The following LHX3 variants were observed in gnomAD, a reference collection of about 807,000 sequenced individuals.
The protein encoded by LHX3 is LIM/homeobox protein Lhx3.
A neutral mutation model predicts 32.4 loss-of-function variants in LHX3; 21 were observed. The observed-to-expected ratio is 0.65, with a 90% confidence interval of 0.46 to 0.93. The LOEUF (loss-of-function observed/expected upper bound fraction) is 0.93, where lower values mean the gene tolerates loss of function less well. Among genes scored for constraint, LHX3 ranks in the 40% least tolerant of loss-of-function variants. The pLI is 0.00. For missense variants in LHX3, 626 were observed against 560.0 expected (o/e 1.12, Z -1.19); for synonymous variants, 258 against 246.8 (o/e 1.05, Z -0.43).
At chr9:136,202,918 G>C (rs748784434) in intron 1 of LHX3, 1 of 1,531,154 alleles carries the variant, frequency 6.5e-7, no homozygotes, top group East Asian at 2.5e-5. Flanking sequence ...TGGTCTCCCC[G>C]GTGCAGCCAC....
chr9:136,197,826 C>T, intron 5 of LHX3, 83 bp from the exon 6 acceptor site: 12 of 1,486,910 alleles, frequency 8.1e-6, no homozygotes, highest in Non-Finnish European at 1.1e-5. Context: ...GGAGGCACCC[C>T]TGGGTCGGAG....
At position 136,199,020 on chromosome 9, in the gene LHX3, G is replaced by T; in HGVS notation, c.494C>A (p.Thr165Asn). 6.3e-7 allele frequency: 1 copy of T among 1,586,074 alleles called. No individual in the cohort carries two copies. The change falls in exon 4 of 6, where the codon ACC becomes AAC. Residue 165 changes from threonine (T) to asparagine (N), a missense_variant. Transcript: ENST00000371748. ...CTTCAGCGTCTCCAGCTGCTTGGCG[G>T]TGATGGTCGTGCGCGGCCGCTTGGC... ...ATAKRPRTTITAKQLETLKSA... is the reference protein window; with the variant it reads ...ATAKRPRTTINAKQLETLKSA...
intron 1 of LHX3, among the ~76,000 whole-genome samples, chr9:136,201,959 G>T (rs1232041619): frequency 6.6e-6 from 1 of 151,880 alleles, no homozygotes; most frequent in African/African-American, 2.4e-5. Flanking sequence ...CGCCGCCGGC[G>T]CCCGCGTCGG....
At chr9:136,198,516 T>G in intron 5 of LHX3, 136 bp downstream of exon 5, 1 of 1,046,184 alleles carries the variant, frequency 9.6e-7, no homozygotes, top group Non-Finnish European at 1.4e-6. Flanking sequence ...GTTCTGTAAG[T>G]GAAATGCTTT....
In LHX3 at chr9:136,204,969, C is replaced by T. The variant is rs746035386; in HGVS notation, c.44G>A (p.Gly15Glu). The T allele has an allele frequency of 3.8e-6, 6 of 1,598,000 alleles. No homozygotes were observed. The South Asian group carries it at 4.5e-5, about 12-fold the overall frequency. The change falls in exon 1 of 6, where the codon GGG becomes GAG. Residue 15 changes from glycine to glutamate, a missense_variant. By Grantham distance (98) the Gly-to-Glu change is moderately conservative (BLOSUM62 -2). Coordinates refer to ENST00000371748, the MANE Select transcript of LHX3 (RefSeq NM_178138.6). ...TGLERDRARP[G>E]AAAVCTLGGT... ...GCCCAAGGTGCAGACGGCGGCGGCC[C>T]CGGGCCTCGCTCGGTCGCGCTCGAG... is the stretch of plus-strand genomic sequence containing the variant.
At chr9:136,198,877 G>T in intron 4 of LHX3, 31 bp downstream of exon 4, 2 of 1,591,488 alleles carry the variant, frequency 1.3e-6, no homozygotes, top group Non-Finnish European at 1.7e-6. Context: ...CCAAGGCCGC[G>T]GGCGGGAGGG....
At position 136,198,690 on chromosome 9, in the gene LHX3, T is replaced by G. The variant is rs886063704; in HGVS notation, c.737A>C (p.Gln246Pro). Residue 246 changes from glutamine to proline, a missense_variant, in exon 5 of 6, where the codon CAG (glutamine) becomes CCG (proline). By Grantham distance (76) the Gln-to-Pro change is moderately conservative. Coordinates refer to ENST00000371748, the MANE Select transcript of LHX3 (RefSeq NM_178138.6). Reference protein sequence around the residue: ...GGSKSDKDSVQEGQDSDAEVS... With the variant: ...GGSKSDKDSVPEGQDSDAEVS... Reference sequence around the variant, plus strand: ...CTCAGCGTCGCTGTCCTGCCCCTCCTGAACGCTGTCCTTGTCCGACTTGGA... The same window carrying G: ...CTCAGCGTCGCTGTCCTGCCCCTCCGGAACGCTGTCCTTGTCCGACTTGGA... The G allele has an allele frequency of 6.2e-7, 1 of 1,610,232 alleles. No homozygotes were observed. Among genetic ancestry groups the G allele is most frequent in the Non-Finnish European group, 8.5e-7 (1 of 1,179,452 alleles).
intron 1 of LHX3, chr9:136,202,956 G>T: frequency 1.3e-6 from 2 of 1,532,190 alleles, no homozygotes; most frequent in Non-Finnish European, 1.7e-6. Context: ...CTCGGCGCAG[G>T]TCCGCCCTCC....
At chr9:136,204,462 A>G (rs1588628921) in intron 1 of LHX3, among the ~76,000 whole-genome samples, 1 of 152,048 alleles carries the variant, frequency 6.6e-6, no homozygotes, top group African/African-American at 2.4e-5. Context: ...GAGGCGGCCC[A>G]CCCTGCTGGC....
chr9:136,200,072 T>C, intron 2 of LHX3, 192 bp from the exon 3 acceptor site: 2 of 697,442 alleles, frequency 2.9e-6, no homozygotes, highest in Non-Finnish European at 5.1e-6. Context: ...AACCTCAATC[T>C]CAGAAAGACC....
In LHX3 at chr9:136,197,668, C is replaced by G. The variant is rs747043364; in HGVS notation, c.851G>C (p.Gly284Ala). ...GSLGEPTQALGRPSGALGNFS... is the reference protein window; with the variant it reads ...GSLGEPTQALARPSGALGNFS... The stretch of plus-strand genomic sequence containing the variant: ...GTTGCCCAGGGCTCCCGAGGGCCGG[C>G]CCAAGGCCTGGGTGGGTTCCCCCAA... Residue 284 changes from glycine (G) to alanine (A), a missense_variant, in exon 6 of 6, where the codon GGC becomes GCC. Physicochemically the swap from Gly to Ala is moderately conservative, Grantham distance 60 (BLOSUM62 0). Coordinates refer to ENST00000371748, the MANE Select transcript of LHX3 (RefSeq NM_178138.6). The G allele has an allele frequency of 1.9e-6, 3 of 1,604,294 alleles. No homozygotes were observed. The highest frequency in any genetic ancestry group is 2.5e-6 in the Non-Finnish European group (3 of 1,177,950).
In LHX3 at chr9:136,197,529, G is replaced by A; in HGVS notation, c.990C>T (p.Pro330=). 2 of 1,534,448 alleles carry A rather than the reference G, an allele frequency of 1.3e-6. No homozygotes were observed. Among genetic ancestry groups the A allele is most frequent in the Non-Finnish European group, 1.8e-6 (2 of 1,136,984 alleles). ...ACACCAGGCTGGAGAGGAGGGGCTG[G>A]GGGCCAGGGAGGCTCTGCGGGGCGG... ...SPAAPQSLPG[P]QPLLSSLVYP... Residue 330 remains proline, a synonymous_variant, in exon 6 of 6, where the codon CCC becomes CCT. Coordinates refer to ENST00000371748, the MANE Select transcript of LHX3 (RefSeq NM_178138.6).
chr9:136,199,910 C>G, intron 2 of LHX3, 30 bp from the exon 3 acceptor site: 1 of 1,555,222 alleles, frequency 6.4e-7, no homozygotes, highest in East Asian at 2.4e-5. Context: ...GGGCTCAGCG[C>G]GGAAGCGCGA....
rs1350312574 is a variant in LHX3 at position 136,197,421 on chromosome 9, G to A, written c.1098C>T (p.Pro366=). 8 of 1,604,068 alleles carry A rather than the reference G, an allele frequency of 5.0e-6. No homozygotes were observed. Among genetic ancestry groups the A allele is most frequent in the Admixed American group, 1.7e-5 (1 of 58,940 alleles). Residue 366 remains proline, a synonymous_variant, in exon 6 of 6, where the codon CCC becomes CCT. Transcript: ENST00000371748. ...PPMRVLAGNG[P]SSDLSTGSSG... is the part of the protein sequence containing the mutation. ...TGCTCCCCGTGGATAGGTCAGAACTGGGTCCGTTCCCTGCCAGCACCCTCA... is the reference window on the plus strand; with the variant it reads ...TGCTCCCCGTGGATAGGTCAGAACTAGGTCCGTTCCCTGCCAGCACCCTCA...
chr9:136,202,516 C>A (rs1318532087), intron 1 of LHX3, among the ~76,000 whole-genome samples: 1 of 152,224 alleles, frequency 6.6e-6, no homozygotes, highest in Non-Finnish European at 1.5e-5. Context: ...GGGAGACCGA[C>A]GGTCGGAGTT....
intron 1 of LHX3, among the ~76,000 whole-genome samples, chr9:136,202,053 C>T (rs919630397): frequency 1.3e-5 from 2 of 152,082 alleles, no homozygotes; most frequent in African/African-American, 4.8e-5. Context: ...GGCGGGGGCT[C>T]CTGTGTCAGG....
In LHX3 at chr9:136,199,856, C is replaced by T. The variant is rs747154474; in HGVS notation, c.276G>A (p.Ala92=). The change falls in exon 3 of 6, where the codon GCG becomes GCA. Residue 92 remains alanine, a synonymous_variant. Coordinates refer to ENST00000371748, the MANE Select transcript of LHX3 (RefSeq NM_178138.6). ...GCGTGGGCGGGATGCCCAGCTGGCA[C>T]GCGGCGCACTTGGTCCCGAAGCGCC... The part of the protein sequence containing the change: ...FFKRFGTKCA[A]CQLGIPPTQV... 7 of 1,601,878 alleles carry T rather than the reference C, an allele frequency of 4.4e-6. No homozygotes were observed. In the East Asian group the frequency reaches 6.8e-5, roughly 16 times the overall value.
intron 1 of LHX3, among the ~76,000 whole-genome samples, chr9:136,203,543 G>A (rs12339594): frequency 0.027 from 4,134 of 152,312 alleles, 168 homozygotes; most frequent in African/African-American, 0.089. Context: ...AGCAGCAGAT[G>A]GTCGGCGGGA....
At chr9:136,199,529 C>T in intron 3 of LHX3, 149 bp downstream of exon 3, 2 of 846,464 alleles carry the variant, frequency 2.4e-6, no homozygotes, top group Non-Finnish European at 3.9e-6. Flanking sequence ...CCGTTCCCGG[C>T]CTCGGCTTCC....
Sources: allele counts gnomAD v4.1 joint callset (sites outside exome capture counted in the v4.1 genomes callset), GRCh38; gene constraint gnomAD v4.1.1; transcripts MANE v1.5; gene names NCBI Gene and HGNC (gene_info 2026-07-23, HGNC 2026-07-21).